GADL1: variants seen among roughly 807,000 people sequenced by gnomAD.
GADL1 encodes GAD like acidic amino acid decarboxylase 1, also known as acidic amino acid decarboxylase GADL1.
In GADL1, 71 loss-of-function variants were observed where a neutral mutation model predicts 69.5. The observed-to-expected ratio is 1.02, with a 90% CI of 0.84 to 1.25. The LOEUF (loss-of-function observed/expected upper bound fraction) is 1.25. Ranked by LOEUF, GADL1 falls within the 50% of genes most tolerant of loss-of-function variation. GADL1 has a pLI of 0.00. For synonymous variants in GADL1, 254 were observed against 214.4 expected (o/e 1.18, Z -1.62); for missense variants, 737 against 631.8 (o/e 1.17, Z -1.79).
intron 11 of GADL1, among the ~76,000 whole-genome samples, chr3:30,808,751 A>G (rs528889851): frequency 6.6e-6 from 1 of 152,332 alleles, no homozygotes; most frequent in South Asian, 2.1e-4. Flanking sequence ...CTCTAAATGC[A>G]AGTCCACCCA....
At chr3:30,782,988 A>G (rs1001506393) in intron 13 of GADL1, among the ~76,000 whole-genome samples, 1 of 152,212 alleles carries the variant, frequency 6.6e-6, no homozygotes, top group Non-Finnish European at 1.5e-5. Flanking sequence ...GATACATATT[A>G]GTAGGTTCAC....
At chr3:30,762,478 CTT>C (rs1261687684) in intron 14 of GADL1, among the ~76,000 whole-genome samples, 10 of 152,224 alleles carry the variant, frequency 6.6e-5, no homozygotes, top group Middle Eastern at 3.4e-3. Flanking sequence ...TTATAATAAA[CTT>C]TTAACTTTTG....
intron 14 of GADL1, among the ~76,000 whole-genome samples, chr3:30,737,865 C>A (rs1195234946): frequency 6.6e-6 from 1 of 152,086 alleles, no homozygotes; most frequent in Non-Finnish European, 1.5e-5. Context: ...AGCAAAGCTA[C>A]AGAAACAAAG....
At chr3:30,772,476 T>TC (rs1696439251) in intron 14 of GADL1, among the ~76,000 whole-genome samples, 1 of 152,216 alleles carries the variant, frequency 6.6e-6, no homozygotes, top group Non-Finnish European at 1.5e-5. Flanking sequence ...TCCCATCTTA[T>TC]CTTTGCATTC....
At chr3:30,781,230 C>A (rs1696658803) in intron 13 of GADL1, among the ~76,000 whole-genome samples, 2 of 152,086 alleles carry the variant, frequency 1.3e-5, no homozygotes, top group Admixed American at 1.3e-4. Context: ...TGAATACATT[C>A]TATACCGGTT....
At chr3:30,751,072 G>A (rs902610083) in intron 14 of GADL1, among the ~76,000 whole-genome samples, 1 of 152,060 alleles carries the variant, frequency 6.6e-6, no homozygotes, top group African/African-American at 2.4e-5. Flanking sequence ...CAGCCAATTC[G>A]CATAAGCAAA....
intron 1 of GADL1, among the ~76,000 whole-genome samples, chr3:30,872,358 C>T (rs1305153735): frequency 2.0e-5 from 3 of 151,894 alleles, no homozygotes; most frequent in Non-Finnish European, 2.9e-5. Flanking sequence ...TGTCACCCCC[C>T]ATAGTCATAG....
intron 14 of GADL1, among the ~76,000 whole-genome samples, chr3:30,771,638 G>A (rs1696421743): frequency 6.6e-6 from 1 of 152,228 alleles, no homozygotes; most frequent in East Asian, 1.9e-4. Context: ...AAATTCTGTA[G>A]CATAAGGTTT....
chr3:30,844,302 G>A (rs780069211), intron 7 of GADL1, 38 bp from the exon 8 acceptor site: 57 of 1,583,792 alleles, frequency 3.6e-5, no homozygotes, highest in Non-Finnish European at 4.9e-5. Flanking sequence ...GTTATGTTTA[G>A]TAATTAACAG....
intron 11 of GADL1, among the ~76,000 whole-genome samples, chr3:30,814,342 C>A (rs1033747969): frequency 6.6e-6 from 1 of 152,130 alleles, no homozygotes; most frequent in Non-Finnish European, 1.5e-5. Flanking sequence ...ACTGGTAAAG[C>A]AAACCCACAT....
At chr3:30,747,385 A>G (rs887810819) in intron 14 of GADL1, among the ~76,000 whole-genome samples, 3 of 152,154 alleles carry the variant, frequency 2.0e-5, no homozygotes, top group African/African-American at 7.2e-5. Context: ...TGTCAAAATG[A>G]TGGTGCATTT....
intron 1 of GADL1, among the ~76,000 whole-genome samples, chr3:30,876,098 T>G (rs1698573395): frequency 6.6e-6 from 1 of 152,012 alleles, no homozygotes; most frequent in South Asian, 2.1e-4. Context: ...TATAATACAT[T>G]CCATATTCTA....
intron 3 of GADL1, among the ~76,000 whole-genome samples, chr3:30,856,368 G>C (rs1698231003): frequency 6.6e-6 from 1 of 152,036 alleles, no homozygotes; most frequent in Non-Finnish European, 1.5e-5. Flanking sequence ...AGCTAGAATG[G>C]TGCCTCAGTG....
At chr3:30,783,397 C>A (rs112230338) in intron 13 of GADL1, among the ~76,000 whole-genome samples, 49 of 152,226 alleles carry the variant, frequency 3.2e-4, no homozygotes, top group African/African-American at 1.1e-3. Context: ...TAATACATTT[C>A]TTGAAGATGA....
At chr3:30,870,991 T>C (rs531892776) in intron 1 of GADL1, among the ~76,000 whole-genome samples, 5 of 150,502 alleles carry the variant, frequency 3.3e-5, no homozygotes, top group South Asian at 4.2e-4. Flanking sequence ...GAGACAAGAT[T>C]CATGCCATGG....
intron 6 of GADL1, among the ~76,000 whole-genome samples, chr3:30,849,486 C>T (rs1698111736): frequency 6.6e-6 from 1 of 152,054 alleles, no homozygotes; most frequent in Admixed American, 6.6e-5. Context: ...CTGTCTGACC[C>T]ACCTACTTTA....
intron 14 of GADL1, among the ~76,000 whole-genome samples, chr3:30,767,979 AAT>A (rs10524190): frequency 0.098 from 14,892 of 151,892 alleles, 2,067 homozygotes; most frequent in African/African-American, 0.32. Context: ...ACAATTAATA[AAT>A]ATGTGCAAAA....
At chr3:30,749,448 A>G (rs1695765598) in intron 14 of GADL1, among the ~76,000 whole-genome samples, 1 of 152,230 alleles carries the variant, frequency 6.6e-6, no homozygotes, top group African/African-American at 2.4e-5. Context: ...ACAATGACTA[A>G]TTAGCTGTCA....
At chr3:30,728,894 C>T (rs1050815820) in intron 14 of GADL1, among the ~76,000 whole-genome samples, 1 of 152,020 alleles carries the variant, frequency 6.6e-6, no homozygotes, top group Non-Finnish European at 1.5e-5. Context: ...AAGAAGGAAA[C>T]CCTTCCAGTT....
Sources: allele counts gnomAD v4.1 joint callset (sites outside exome capture counted in the v4.1 genomes callset), GRCh38; gene constraint gnomAD v4.1.1; transcripts MANE v1.5; gene names NCBI Gene and HGNC (gene_info 2026-07-23, HGNC 2026-07-21).